GPR158: variants seen among roughly 807,000 people sequenced by gnomAD.
GPR158 encodes the protein metabotropic glycine receptor.
A neutral mutation model predicts 78.2 loss-of-function variants in GPR158; 30 were observed. The ratio of observed to expected loss-of-function variants is 0.38; its 90% CI spans 0.29 to 0.52. The LOEUF (loss-of-function observed/expected upper bound fraction) is 0.52. Ranked by LOEUF, GPR158 falls within the 20% of genes least tolerant of loss-of-function variation. The pLI, the probability that GPR158 is intolerant of heterozygous loss-of-function variation, is 0.83. For missense variants in GPR158, 1,463 were observed against 1,523.5 expected (o/e 0.96, Z 0.66); for synonymous variants, 581 against 591.1 (o/e 0.98, Z 0.25).
At chr10:25,399,705 C>G (rs1834414800) in intron 3 of GPR158, among the ~76,000 whole-genome samples, 1 of 152,172 alleles carries the variant, frequency 6.6e-6, no homozygotes, top group Admixed American at 6.5e-5. Context: ...AGTTCAACAA[C>G]CTGACTAGGA....
chr10:25,246,140 C>T (rs567613385), intron 2 of GPR158, among the ~76,000 whole-genome samples: 57 of 152,266 alleles, frequency 3.7e-4, no homozygotes, highest in African/African-American at 1.3e-3. Flanking sequence ...AAGTTTTTAA[C>T]CTACTCTGTC....
chr10:25,328,098 G>A (rs1006059833), intron 2 of GPR158, among the ~76,000 whole-genome samples: 1 of 152,108 alleles, frequency 6.6e-6, no homozygotes, highest in Admixed American at 6.6e-5. Flanking sequence ...TTAGTGCATT[G>A]GGTTTGTGAG....
At chr10:25,307,187 G>A (rs1854689445) in intron 2 of GPR158, among the ~76,000 whole-genome samples, 1 of 151,718 alleles carries the variant, frequency 6.6e-6, no homozygotes, top group African/African-American at 2.4e-5. Flanking sequence ...TATAGTTTGA[G>A]CATTAGCCAA....
intron 5 of GPR158, among the ~76,000 whole-genome samples, chr10:25,522,886 A>G (rs1836297480): frequency 6.6e-6 from 1 of 152,260 alleles, no homozygotes; most frequent in Admixed American, 6.5e-5. Context: ...ACACGTATTA[A>G]TTTGTGTGGT....
At chr10:25,375,275 A>G (rs1048082887) in intron 2 of GPR158, among the ~76,000 whole-genome samples, 17 of 151,670 alleles carry the variant, frequency 1.1e-4, no homozygotes, top group African/African-American at 4.1e-4. Context: ...GAAATATTCT[A>G]GATTCTTTTT....
chr10:25,175,104 C>A lies in GPR158; in HGVS notation c.-317C>A. The A allele has an allele frequency of 3.9e-6, 1 of 257,304 alleles. No homozygotes were observed. Among genetic ancestry groups the A allele is most frequent in the South Asian group, 8.4e-5 (1 of 11,908 alleles). 15.9% of individuals were successfully genotyped at this position (257,304 alleles called of 1,614,324 possible). A position where few individuals can be genotyped will look rare whatever the true frequency, so the allele number is the denominator to read the frequency against. On this transcript the variant is annotated 5_prime_UTR_variant, in exon 1 of 11. Coordinates refer to ENST00000376351, the MANE Select transcript of GPR158 (RefSeq NM_020752.3). This position sits in a 1 kb window ranked among gnomAD's most constrained non-coding sequence, Gnocchi z 6.4. ...CGGCAGCCGGGCCGAGAGACGGACT[C>A]GGGCTGACTCCAGCCGCTGGGAGCG...
In GPR158 at chr10:25,598,996, G is replaced by A; in HGVS notation, c.3370G>A (p.Ala1124Thr). The change falls in exon 11 of 11, where the codon GCT (alanine) becomes ACT (threonine). Residue 1124 changes from alanine to threonine, a missense_variant. Ala to Thr is a moderately conservative substitution (Grantham distance 58). Coordinates refer to ENST00000376351, the MANE Select transcript of GPR158 (RefSeq NM_020752.3). ...GCAGAGCGAAGAACTGCCCCCCAAA[G>A]CTGTAGCATCAAAAACAGAGAATGA... ...AGQSEELPPK[A>T]VASKTENENL... is the part of the protein sequence containing the mutation. 1.2e-6 allele frequency: 2 copies of A among 1,614,164 alleles called. No individual in the cohort carries two copies. The highest frequency in any genetic ancestry group is 1.6e-4 in the Middle Eastern group (1 of 6,062).
At position 25,324,831 on chromosome 10, in the gene GPR158, C is replaced by CTTTCTTTCTTTCTTTCTTTCTTTCT. The variant is rs746272253; in HGVS notation, c.1009-71077_1009-71076insCTTTCTTTCTTTCTTTCTTTCTTTT. Among the ~76,000 whole-genome samples the CTTTCTTTCTTTCTTTCTTTCTTTCT allele has an allele frequency of 2.9e-3, 362 of 125,314 alleles. 1 individual carries two copies. The highest frequency in any genetic ancestry group is 0.01 in the African/African-American group (330 of 32,296). 82.2% of individuals were successfully genotyped at this position (125,314 alleles called of 152,430 possible). On this transcript the variant is annotated intron_variant, in intron 2 of 10. Transcript: ENST00000376351. The stretch of plus-strand genomic sequence containing the variant: ...GGTAATTGTATTTTCTTTTTTCTTT[C>CTTTCTTTCTTTCTTTCTTTCTTTCT]TTTTTTTTTTTTTTTTTGAGACATT...
chr10:25,525,356 G>C (rs1162767066), intron 5 of GPR158, among the ~76,000 whole-genome samples: 1 of 152,128 alleles, frequency 6.6e-6, no homozygotes, highest in African/African-American at 2.4e-5. Flanking sequence ...ATTCATAATA[G>C]CTCAAAAGTG....
chr10:25,573,262 G>A (rs1335194), intron 7 of GPR158, among the ~76,000 whole-genome samples: 69,594 of 152,002 alleles, frequency 0.46, 16,300 homozygotes, highest in African/African-American at 0.51. Context: ...AAGGAAGCAC[G>A]CTGGTTTTTT....
intron 7 of GPR158, among the ~76,000 whole-genome samples, chr10:25,577,285 T>G (rs2130736542): frequency 6.6e-6 from 1 of 152,240 alleles, no homozygotes; most frequent in South Asian, 2.1e-4. Flanking sequence ...TACTGAACAC[T>G]AAATTATTTC....
chr10:25,393,066 A>C (rs1036238301), intron 2 of GPR158, among the ~76,000 whole-genome samples: 1 of 152,208 alleles, frequency 6.6e-6, no homozygotes, highest in Non-Finnish European at 1.5e-5. Flanking sequence ...TATGTAATAA[A>C]ATCAGGAGGC....
At chr10:25,596,537 G>T (rs1030056266) in intron 9 of GPR158, 106 bp from the exon 10 acceptor site, 1 of 715,652 alleles carries the variant, frequency 1.4e-6, no homozygotes, top group Non-Finnish European at 2.4e-6. Flanking sequence ...ATAGATCTAG[G>T]TATAGATATA....
chr10:25,320,919 G>GA (rs1160296572), intron 2 of GPR158, among the ~76,000 whole-genome samples: 3 of 152,180 alleles, frequency 2.0e-5, no homozygotes, highest in Non-Finnish European at 4.4e-5. Flanking sequence ...TAACTCAGGA[G>GA]AAAATCATGA....
chr10:25,527,251 A>G (rs1313649145), intron 5 of GPR158, among the ~76,000 whole-genome samples: 1 of 152,242 alleles, frequency 6.6e-6, no homozygotes, highest in Admixed American at 6.5e-5. Flanking sequence ...TACAAGTGGT[A>G]TAGACTTAAA....
intron 4 of GPR158, among the ~76,000 whole-genome samples, chr10:25,431,622 A>G (rs1234142792): frequency 7.0e-6 from 1 of 143,644 alleles, no homozygotes; most frequent in Non-Finnish European, 1.5e-5. Flanking sequence ...ATGTCCAATA[A>G]TGATAGACTG....
intron 5 of GPR158, among the ~76,000 whole-genome samples, chr10:25,529,224 A>G (rs976331146): frequency 4.6e-5 from 7 of 152,182 alleles, no homozygotes; most frequent in Admixed American, 3.9e-4. Context: ...TGTCTGTACT[A>G]AAAATACAAA....
chr10:25,274,222 T>C (rs1013229943), intron 2 of GPR158, among the ~76,000 whole-genome samples: 7 of 152,230 alleles, frequency 4.6e-5, no homozygotes, highest in East Asian at 1.9e-4. Flanking sequence ...TTAGGTGATA[T>C]TCATTTTCCT....
intron 3 of GPR158, among the ~76,000 whole-genome samples, chr10:25,397,543 G>A (rs1460787194): frequency 6.6e-6 from 1 of 152,174 alleles, no homozygotes; most frequent in East Asian, 1.9e-4. Context: ...CTTCCTCTGG[G>A]AATTTTGGTA....
Sources: gnomAD v4.1 joint callset for allele counts (sites outside exome capture counted in the v4.1 genomes callset) on GRCh38, gnomAD v4.1.1 for gene constraint, Gnocchi (gnomAD v3.1) non-coding constraint, MANE v1.5 for transcripts, NCBI Gene and HGNC (gene_info 2026-07-23, HGNC 2026-07-21) for gene names.